The following PRR16 variants were observed in gnomAD, a reference collection of about 807,000 sequenced individuals.
PRR16 encodes the protein proline rich 16.
In PRR16, 6 loss-of-function variants were observed where a neutral mutation model predicts 18.2. The ratio of observed to expected loss-of-function variants is 0.33; its 90% CI spans 0.18 to 0.65. The LOEUF is 0.65. Among genes scored for constraint, PRR16 ranks in the 30% least tolerant of loss-of-function variants. The pLI is 0.74. For synonymous variants in PRR16, 151 were observed against 147.8 expected, an observed-to-expected ratio of 1.02 and a Z score of -0.16; for missense variants, 412 against 376.6, an observed-to-expected ratio of 1.09 and a Z score of -0.78.
At chr5:120,604,971 T>A (rs1474007330) in intron 1 of PRR16, among the ~76,000 whole-genome samples, 2 of 152,106 alleles carry the variant, frequency 1.3e-5, no homozygotes, top group African/African-American at 2.4e-5. Flanking sequence ...AAGATTTTTG[T>A]TGTTGTTGTT....
intron 1 of PRR16, among the ~76,000 whole-genome samples, chr5:120,482,039 A>G (rs1364173606): frequency 1.3e-5 from 2 of 152,172 alleles, no homozygotes; most frequent in Non-Finnish European, 1.5e-5. Context: ...TTATTATCCA[A>G]TTTAGTATGT....
intron 1 of PRR16, among the ~76,000 whole-genome samples, chr5:120,470,743 A>C (rs1024235242): frequency 6.6e-6 from 1 of 152,272 alleles, no homozygotes; most frequent in Middle Eastern, 3.4e-3. Context: ...CAGGTAGATG[A>C]GGAAGTTACT....
the PRR16 span, among the ~76,000 whole-genome samples, chr5:120,778,500 T>A: frequency 5.9e-5 from 9 of 152,300 alleles, no homozygotes; most frequent in East Asian, 1.7e-3. Flanking sequence ...TTGAGTACAA[T>A]GTTTTAAAAA....
At chr5:120,764,627 G>C in the PRR16 span, among the ~76,000 whole-genome samples, 1 of 151,878 alleles carries the variant, frequency 6.6e-6, no homozygotes, top group Non-Finnish European at 1.5e-5. Context: ...TTAAATCCTT[G>C]ATTAATCAAG....
intron 1 of PRR16, among the ~76,000 whole-genome samples, chr5:120,669,812 A>G (rs1756533329): frequency 6.6e-6 from 1 of 152,056 alleles, no homozygotes; most frequent in Admixed American, 6.6e-5. Flanking sequence ...ATGCTAATTG[A>G]TTTTTTAAAG....
At chr5:120,678,586 A>C (rs1756879116) in intron 1 of PRR16, among the ~76,000 whole-genome samples, 1 of 152,172 alleles carries the variant, frequency 6.6e-6, no homozygotes, top group African/African-American at 2.4e-5. Flanking sequence ...TGTAGTAATA[A>C]AAGGACAAAG....
At chr5:120,704,539 A>G in the PRR16 span, among the ~76,000 whole-genome samples, 2 of 152,186 alleles carry the variant, frequency 1.3e-5, no homozygotes, top group African/African-American at 2.4e-5. Context: ...TAGAGCACCA[A>G]TGTACTCAAG....
At chr5:120,693,903 T>C in the PRR16 span, among the ~76,000 whole-genome samples, 2 of 152,240 alleles carry the variant, frequency 1.3e-5, no homozygotes, top group Non-Finnish European at 2.9e-5. Context: ...TCGTGGTCCT[T>C]GCTAAAAGCT....
At chr5:120,597,394 A>T (rs1006396453) in intron 1 of PRR16, among the ~76,000 whole-genome samples, 3 of 151,636 alleles carry the variant, frequency 2.0e-5, no homozygotes, top group African/African-American at 7.3e-5. Context: ...CTAAAATTTT[A>T]TGTATTTTAA....
intron 1 of PRR16, among the ~76,000 whole-genome samples, chr5:120,578,349 A>T (rs1452758159): frequency 6.6e-6 from 1 of 152,116 alleles, no homozygotes; most frequent in Admixed American, 6.6e-5. Flanking sequence ...TATGGGTGCC[A>T]TGGTTGTTTG....
the PRR16 span, among the ~76,000 whole-genome samples, chr5:120,762,747 C>T: frequency 0.15 from 15,123 of 101,938 alleles, 876 homozygotes; most frequent in Middle Eastern, 0.19. Flanking sequence ...TCTTTGTTGA[C>T]TGTTTCCTTT....
At chr5:120,519,998 A>G (rs1201284997) in intron 1 of PRR16, among the ~76,000 whole-genome samples, 1 of 152,022 alleles carries the variant, frequency 6.6e-6, no homozygotes, top group Non-Finnish European at 1.5e-5. Context: ...TTTATTCTGA[A>G]TCTTCTTTAG....
chr5:120,782,165 T>C, the PRR16 span, among the ~76,000 whole-genome samples: 1 of 152,164 alleles, frequency 6.6e-6, no homozygotes, highest in African/African-American at 2.4e-5. Flanking sequence ...TTTTGGACTT[T>C]AATGTAAAAG....
chr5:120,788,890 C>T, the PRR16 span, among the ~76,000 whole-genome samples: 1 of 151,766 alleles, frequency 6.6e-6, no homozygotes, highest in South Asian at 2.1e-4. Context: ...AGTACTAAAA[C>T]ATTGTCTTGG....
chr5:120,468,683 A>T (rs1365214391), intron 1 of PRR16, among the ~76,000 whole-genome samples: 1 of 152,204 alleles, frequency 6.6e-6, no homozygotes, highest in Non-Finnish European at 1.5e-5. Context: ...TTTTGCATTA[A>T]ATGCTGGTAT....
chr5:120,713,171 C>T, the PRR16 span, among the ~76,000 whole-genome samples: 12 of 152,144 alleles, frequency 7.9e-5, no homozygotes, highest in Admixed American at 7.2e-4. Flanking sequence ...AAAATACTGC[C>T]ATTTGTGACA....
chr5:120,576,268 T>A (rs1158237013), intron 1 of PRR16, among the ~76,000 whole-genome samples: 1 of 152,110 alleles, frequency 6.6e-6, no homozygotes, highest in African/African-American at 2.4e-5. Context: ...GGTAAAGGAA[T>A]ATAATCCAAA....
the PRR16 span, among the ~76,000 whole-genome samples, chr5:120,765,685 C>A: frequency 6.6e-6 from 1 of 151,950 alleles, no homozygotes; most frequent in Non-Finnish European, 1.5e-5. Context: ...AATGAATTTT[C>A]TCAAACTAAA....
intron 1 of PRR16, among the ~76,000 whole-genome samples, chr5:120,651,670 T>G (rs1303034295): frequency 6.6e-6 from 1 of 152,152 alleles, no homozygotes; most frequent in African/African-American, 2.4e-5. Flanking sequence ...AGGTCTCTGT[T>G]CTGTTCCATT....
Sources: allele counts gnomAD v4.1 joint callset (sites outside exome capture counted in the v4.1 genomes callset), GRCh38; gene constraint gnomAD v4.1.1; transcripts MANE v1.5; gene names NCBI Gene and HGNC (gene_info 2026-07-23, HGNC 2026-07-21).